Variants in KIF26A observed in about 807,000 individuals in gnomAD.
KIF26A encodes the protein kinesin family member 26A.
In KIF26A, 74 loss-of-function variants were observed where a neutral mutation model predicts 126.0. The ratio of observed to expected loss-of-function variants is 0.59; its 90% CI spans 0.49 to 0.71. The LOEUF is 0.71. Among genes scored for constraint, KIF26A ranks in the 30% least tolerant of loss-of-function variants. The pLI, the probability that KIF26A is intolerant of heterozygous loss-of-function variation, is 0.00. For synonymous variants in KIF26A, 1,445 were observed against 1,232.7 expected (o/e 1.17, Z -3.61); for missense variants, 2,984 against 2,763.3 (o/e 1.08, Z -1.79).
At position 104,176,469 on chromosome 14, in the gene KIF26A, C is replaced by T. The variant is rs1224309580; in HGVS notation, c.3681C>T (p.Arg1227=). 1.2e-6 allele frequency: 2 copies of T among 1,606,944 alleles called. No individual in the cohort carries two copies. Among genetic ancestry groups the T allele is most frequent in the Admixed American group, 1.7e-5 (1 of 59,958 alleles). ...ASATTRVGCA[R]LGQSPPGRGG... is the part of the protein sequence containing the mutation. Reference sequence around the variant, plus strand: ...CCACCACCCGTGTGGGCTGTGCTCGCCTGGGCCAGAGCCCACCTGGCCGTG... The same window carrying T: ...CCACCACCCGTGTGGGCTGTGCTCGTCTGGGCCAGAGCCCACCTGGCCGTG... Residue 1227 remains arginine (R), a synonymous_variant, in exon 12 of 15, where the codon CGC becomes CGT. Transcript: ENST00000423312.
intron 4 of KIF26A, 34 bp downstream of exon 4, chr14:104,157,976 G>A (rs1293663001): frequency 6.8e-7 from 1 of 1,466,092 alleles, no homozygotes; most frequent in Middle Eastern, 2.1e-4. Context: ...AGCCTTGTGG[G>A]CAGGGCCCCA....
Position 104,176,318 on chromosome 14 carries a change from C to T in KIF26A, c.3530C>T (p.Pro1177Leu), listed in dbSNP as rs2038026637. 6.3e-7 allele frequency: 1 copy of T among 1,586,064 alleles called. No individual in the cohort carries two copies. The highest frequency in any genetic ancestry group is 8.6e-7 in the Non-Finnish European group (1 of 1,163,122). The change falls in exon 12 of 15, where the codon CCT becomes CTT. Residue 1177 changes from proline (P) to leucine (L), a missense_variant. Pro to Leu is a moderately conservative substitution (Grantham distance 98, BLOSUM62 -3). Coordinates refer to ENST00000423312, the MANE Select transcript of KIF26A (RefSeq NM_015656.2). Reference sequence around the variant, plus strand: ...CCTGGGCCAACCTGGGGTCCGTGCCCTGGGGAAGTGGCTGCAGTGGCCCCA... The same window carrying T: ...CCTGGGCCAACCTGGGGTCCGTGCCTTGGGGAAGTGGCTGCAGTGGCCCCA... ...DSPGPTWGPC[P>L]GEVAAVAPSR...
Position 104,179,605 on chromosome 14 carries a change from C to G in KIF26A, c.5468-4C>G. The G allele has an allele frequency of 2.6e-6, 4 of 1,520,094 alleles. No homozygotes were observed. Among genetic ancestry groups the G allele is most frequent in the Non-Finnish European group, 3.5e-6 (4 of 1,131,122 alleles). The allele number at this position is 1,520,094 out of a possible 1,614,324, so 94.2% of individuals were successfully genotyped here. On this transcript the variant is annotated splice_region_variant and splice_polypyrimidine_tract_variant and intron_variant, in intron 14 of 14. Coordinates refer to ENST00000423312, the MANE Select transcript of KIF26A (RefSeq NM_015656.2). ...GTGCCCCTCCCCTCTCCTCCCCTCCCCAGTTGAGGTGGACCCGGAGCTGGA... is the reference window on the plus strand; with the variant it reads ...GTGCCCCTCCCCTCTCCTCCCCTCCGCAGTTGAGGTGGACCCGGAGCTGGA...
Position 104,139,094 on chromosome 14 carries a change from C to T in KIF26A, c.94C>T (p.Pro32Ser). The T allele has an allele frequency of 1.4e-6, 2 of 1,464,088 alleles. No homozygotes were observed. Among genetic ancestry groups the T allele is most frequent in the East Asian group, 3.0e-5 (1 of 33,798 alleles). The allele number at this position is 1,464,088 out of a possible 1,614,324, so 90.7% of individuals were successfully genotyped here. ...GCCGCCGCCGCTGCTGGAGGTGTCC[C>T]CCCGAAAGAGGCTACCCGCCGGGCC... ...REPPPLLEVS[P>S]RKRLPAGPDQ... The change falls in exon 2 of 15, where the codon CCC (proline) becomes TCC (serine). Residue 32 changes from proline to serine, a missense_variant. Physicochemically the swap from Pro to Ser is moderately conservative, Grantham distance 74. Transcript: ENST00000423312.
intron 4 of KIF26A, among the ~76,000 whole-genome samples, chr14:104,160,711 C>T (rs2037825242): frequency 1.3e-5 from 2 of 152,176 alleles, no homozygotes; most frequent in South Asian, 4.1e-4. Context: ...TGTCTGAGGC[C>T]CCGCTGGTTT....
chr14:104,150,324 A>G (rs1405815555), intron 2 of KIF26A, among the ~76,000 whole-genome samples: 1 of 151,158 alleles, frequency 6.6e-6, no homozygotes, highest in African/African-American at 2.4e-5. Flanking sequence ...CAGACGCGCC[A>G]GGCACTTCAG....
At position 104,163,307 on chromosome 14, in the gene KIF26A, C is replaced by G. The variant is rs549272395; in HGVS notation, c.924-3552C>G. On this transcript the variant is annotated intron_variant, in intron 4 of 14. Transcript: ENST00000423312. ...TCACTTTGAGGTTTGGGTTGTGGCT[C>G]TGCCCTCTGCGCTTCCCAGCGTTCC... Among the ~76,000 whole-genome samples, 9 of 152,320 alleles carry G rather than the reference C, an allele frequency of 5.9e-5. No individual in the cohort carries two copies. The South Asian group carries it at 1.4e-3, about 25-fold the overall frequency.
At chr14:104,154,538 G>T (rs1596136510) in intron 3 of KIF26A, among the ~76,000 whole-genome samples, 1 of 152,200 alleles carries the variant, frequency 6.6e-6, no homozygotes, top group African/African-American at 2.4e-5. Flanking sequence ...TTGGGCCGGG[G>T]CAGCGCTGCC....
chr14:104,163,475 G>A (rs1010664366), intron 4 of KIF26A, among the ~76,000 whole-genome samples: 3 of 152,124 alleles, frequency 2.0e-5, no homozygotes, highest in Admixed American at 2.0e-4. Flanking sequence ...TTCCTTGCAG[G>A]GCAGTTGTGA....
chr14:104,161,730 G>A (rs2037834569), intron 4 of KIF26A, among the ~76,000 whole-genome samples: 3 of 152,248 alleles, frequency 2.0e-5, no homozygotes, highest in African/African-American at 4.8e-5. Context: ...TCTCACGGCA[G>A]GGGGTAGTTG....
In KIF26A at chr14:104,176,340, C is replaced by A. The variant is rs770719435; in HGVS notation, c.3552C>A (p.Ala1184=). Residue 1184 remains alanine (A), a synonymous_variant, in exon 12 of 15, where the codon GCC becomes GCA. Coordinates refer to ENST00000423312, the MANE Select transcript of KIF26A (RefSeq NM_015656.2). ...GCCCTGGGGAAGTGGCTGCAGTGGC[C>A]CCATCCCGACCCGGCAGGGAGCCCC... is the stretch of plus-strand genomic sequence containing the variant. ...GPCPGEVAAV[A]PSRPGREPQA... 3 of 1,581,876 alleles carry A rather than the reference C, an allele frequency of 1.9e-6. No homozygotes were observed. Among genetic ancestry groups the A allele is most frequent in the Non-Finnish European group, 2.6e-6 (3 of 1,160,832 alleles).
In KIF26A at chr14:104,175,181, C is replaced by T. The variant is rs201102650; in HGVS notation, c.2393C>T (p.Ala798Val). 59 of 1,607,342 alleles carry T rather than the reference C, an allele frequency of 3.7e-5. No homozygotes were observed. The highest frequency in any genetic ancestry group is 3.4e-4 in the East Asian group (15 of 44,682). ...GTCATCTACGTGGGGCCCGGTGGGGCGGCGCTGTCAGACCGGGAGCTCACC... is the reference window on the plus strand; with the variant it reads ...GTCATCTACGTGGGGCCCGGTGGGGTGGCGCTGTCAGACCGGGAGCTCACC... ...DTVIYVGPGG[A>V]ALSDRELTDN... Residue 798 changes from alanine to valine, a missense_variant, in exon 12 of 15, where the codon GCG becomes GTG. By Grantham distance (64) the Ala-to-Val change is moderately conservative. Coordinates refer to ENST00000423312, the MANE Select transcript of KIF26A (RefSeq NM_015656.2).
At chr14:104,172,213 TTGGGCTC>T (rs531255481) in intron 6 of KIF26A, among the ~76,000 whole-genome samples, 1 of 152,336 alleles carries the variant, frequency 6.6e-6, no homozygotes, top group Admixed American at 6.5e-5. Flanking sequence ...CGAGCAGCTG[TTGGGCTC>T]TGGGCTCTGG....
chr14:104,179,420 C>T (rs1350419162), intron 14 of KIF26A, 34 bp downstream of exon 14: 2 of 1,469,180 alleles, frequency 1.4e-6, no homozygotes, highest in Non-Finnish European at 1.8e-6. Flanking sequence ...CCAGCCCGGC[C>T]CACCGTGTGC....
At position 104,176,319 on chromosome 14, in the gene KIF26A, T is replaced by C. The variant is rs758328099; in HGVS notation, c.3531T>C (p.Pro1177=). The C allele has an allele frequency of 5.7e-6, 9 of 1,585,406 alleles. No individual in the cohort carries two copies. The highest frequency in any genetic ancestry group is 7.7e-6 in the Non-Finnish European group (9 of 1,162,898). ...CTGGGCCAACCTGGGGTCCGTGCCC[T>C]GGGGAAGTGGCTGCAGTGGCCCCAT... is the stretch of plus-strand genomic sequence containing the variant. ...DSPGPTWGPC[P]GEVAAVAPSR... is the part of the protein sequence containing the mutation. Residue 1177 remains proline, a synonymous_variant, in exon 12 of 15, where the codon CCT becomes CCC. Coordinates refer to ENST00000423312, the MANE Select transcript of KIF26A (RefSeq NM_015656.2).
chr14:104,157,410 C>T (rs577118557), intron 3 of KIF26A, among the ~76,000 whole-genome samples: 4 of 152,216 alleles, frequency 2.6e-5, no homozygotes, highest in Admixed American at 1.3e-4. Context: ...CCAGTGTGGT[C>T]GCTGCGATTC....
Position 104,174,299 on chromosome 14 carries a change from A to T in KIF26A, c.2182A>T (p.Lys728Ter). Residue 728 changes from lysine to a stop codon, truncating the protein, a stop_gained, in exon 11 of 15, where the codon AAG (lysine) becomes TAG (stop). Coordinates refer to ENST00000423312, the MANE Select transcript of KIF26A (RefSeq NM_015656.2). LOFTEE classifies it high-confidence loss of function. Reference sequence around the variant, plus strand: ...CGCCCGCATCCACCGCCTGCGCAGGAAGAAGGCCAAGGTGCTCCCCACCTC... The same window carrying T: ...CGCCCGCATCCACCGCCTGCGCAGGTAGAAGGCCAAGGTGCTCCCCACCTC... ...LAARIHRLRR[K>*]KAKYASSSSG... 6.5e-7 allele frequency: 1 copy of T among 1,544,366 alleles called. No homozygotes were observed. The highest frequency in any genetic ancestry group is 8.7e-7 in the Non-Finnish European group (1 of 1,144,310).
rs376171531 is a variant in KIF26A, at chr14:104,175,234, C to T, written c.2446C>T (p.Pro816Ser). The change falls in exon 12 of 15, where the codon CCC becomes TCC. Residue 816 changes from proline (P) to serine (S), a missense_variant. By Grantham distance (74) the Pro-to-Ser change is moderately conservative (BLOSUM62 -1). Transcript: ENST00000423312. ...CAACGAAGGTCCGCCTGACTTCGTG[C>T]CCATCATCCCTGCCCTGAGCCGCCA... ...TDNEGPPDFV[P>S]IIPALSRHRP... The T allele has an allele frequency of 7.5e-6, 12 of 1,609,024 alleles. No homozygotes were observed. In the African/African-American group the frequency reaches 1.5e-4, roughly 20 times the overall value.
At chr14:104,156,403 T>C (rs2037777751) in intron 3 of KIF26A, among the ~76,000 whole-genome samples, 1 of 152,108 alleles carries the variant, frequency 6.6e-6, no homozygotes, top group South Asian at 2.1e-4. Flanking sequence ...TCCAGTGAGC[T>C]GTTCCAGGTC....
Sources: gnomAD v4.1 joint callset for allele counts (sites outside exome capture counted in the v4.1 genomes callset) on GRCh38, gnomAD v4.1.1 for gene constraint, MANE v1.5 for transcripts, NCBI Gene and HGNC (gene_info 2026-07-23, HGNC 2026-07-21) for gene names.